CHFR: variants seen among roughly 807,000 people sequenced by gnomAD.
CHFR encodes the protein checkpoint with forkhead and ring finger domains.
Under a neutral mutation model 87.6 loss-of-function variants are expected in CHFR, and 57 were observed. The observed-to-expected ratio is 0.65, with a 90% CI of 0.53 to 0.81. The LOEUF is 0.81. CHFR is among the 30% of genes least tolerant of loss of function. The probability of loss-of-function intolerance (pLI) is 0.00; values close to 1 mark genes in which losing one functional copy is unlikely to be tolerated. For synonymous variants in CHFR, 381 were observed against 359.2 expected, an observed-to-expected ratio of 1.06 and a Z score of -0.69; for missense variants, 797 against 865.8, an observed-to-expected ratio of 0.92 and a Z score of 1.00.
intron 3 of CHFR, among the ~76,000 whole-genome samples, chr12:132,877,073 G>A (rs1951646138): frequency 6.6e-6 from 1 of 152,168 alleles, no homozygotes. Context: ...GGGATTACAG[G>A]TGTGAGCCAC....
At chr12:132,878,420 G>A (rs1221764536) in intron 2 of CHFR, among the ~76,000 whole-genome samples, 2 of 151,022 alleles carry the variant, frequency 1.3e-5, no homozygotes, top group Admixed American at 1.3e-4. Flanking sequence ...AGTGAGCTGA[G>A]ATCGCGCCAC....
At chr12:132,859,687 G>A (rs1363940014) in intron 7 of CHFR, among the ~76,000 whole-genome samples, 1 of 152,096 alleles carries the variant, frequency 6.6e-6, no homozygotes, top group Non-Finnish European at 1.5e-5. Context: ...ATGCTCAGAT[G>A]TTGGTAATCA....
Position 132,856,463 on chromosome 12 carries a change from T to C in CHFR, c.1229+5A>G. 1 of 1,613,794 alleles carries C rather than the reference T, an allele frequency of 6.2e-7. No individual in the cohort carries two copies. Among genetic ancestry groups the C allele is most frequent in the Non-Finnish European group, 8.5e-7 (1 of 1,179,986 alleles). On this transcript the variant is annotated splice_donor_5th_base_variant and intron_variant, in intron 10 of 17. Coordinates refer to ENST00000450056, the MANE Select transcript of CHFR (RefSeq NM_001161346.2). ...ACTCTGCTCTGAGCCAGGGGCATGA[T>C]TTACCTAATGTCTGAGGACTCACTG... is the stretch of plus-strand genomic sequence containing the variant.
chr12:132,847,523 G>C (rs530785070), intron 14 of CHFR: 2 of 1,082,824 alleles, frequency 1.8e-6, no homozygotes, highest in African/African-American at 3.3e-5. Flanking sequence ...ACGAGCTGTT[G>C]AGCTCCTTCT....
At chr12:132,880,692 C>T (rs557562025) in intron 2 of CHFR, among the ~76,000 whole-genome samples, 207 of 148,244 alleles carry the variant, frequency 1.4e-3, no homozygotes, top group African/African-American at 4.8e-3. Flanking sequence ...CTGGGCCAGG[C>T]GTGGTGGCTC....
intron 3 of CHFR, among the ~76,000 whole-genome samples, chr12:132,872,734 A>AGCTGGACT (rs1180148147): frequency 6.6e-6 from 1 of 152,130 alleles, no homozygotes; most frequent in Non-Finnish European, 1.5e-5. Context: ...GCCTCCCCTG[A>AGCTGGACT]GCTGGACTTG....
intron 15 of CHFR, among the ~76,000 whole-genome samples, chr12:132,844,651 G>A (rs1950779110): frequency 6.6e-6 from 1 of 151,086 alleles, no homozygotes; most frequent in South Asian, 2.1e-4. Context: ...TATTTTTTGA[G>A]ACCAAGTCTT....
At chr12:132,870,007 G>A (rs1566196380) in intron 5 of CHFR, among the ~76,000 whole-genome samples, 1 of 152,026 alleles carries the variant, frequency 6.6e-6, no homozygotes. Context: ...TCAGGAGTTC[G>A]AGACCAGCCT....
intron 2 of CHFR, among the ~76,000 whole-genome samples, chr12:132,879,403 T>G (rs1456826757): frequency 6.6e-6 from 1 of 151,290 alleles, no homozygotes; most frequent in Non-Finnish European, 1.5e-5. Flanking sequence ...TTCTTTTTTT[T>G]TTTTTGAGAC....
At chr12:132,842,108 CAAAAA>C (rs35177584) in intron 17 of CHFR, among the ~76,000 whole-genome samples, 6 of 103,356 alleles carry the variant, frequency 5.8e-5, no homozygotes, top group Non-Finnish European at 1.2e-4. Context: ...GACTCCATCT[CAAAAA>C]AAAAAAAAAA....
At chr12:132,861,693 C>A (rs1951213661) in intron 6 of CHFR, 59 bp from the exon 7 acceptor site, 2 of 1,514,438 alleles carry the variant, frequency 1.3e-6, no homozygotes, top group Admixed American at 1.8e-5. Context: ...GAGAACCATG[C>A]CTGTAAGGTG....
At position 132,841,534 on chromosome 12, in the gene CHFR, T is replaced by C. The variant is rs375664747; in HGVS notation, c.*20A>G. 47 of 1,605,332 alleles carry C rather than the reference T, an allele frequency of 2.9e-5. 1 individual carries two copies. The African/African-American group carries it at 6.0e-4, about 21-fold the overall frequency. On this transcript the variant is annotated 3_prime_UTR_variant, in exon 18 of 18. Transcript: ENST00000450056. ...TCTCTTCACCTCCAGTGCTGAAAGC[T>C]GCTCAGGGCCTCTGGATGCTTAGTT...
At chr12:132,861,705 C>A in intron 6 of CHFR, 71 bp from the exon 7 acceptor site, 1 of 1,452,360 alleles carries the variant, frequency 6.9e-7, no homozygotes, top group Non-Finnish European at 9.5e-7. Flanking sequence ...TGTAAGGTGT[C>A]ACTGACTGGA....
chr12:132,868,456 C>T (rs1377240284), intron 6 of CHFR, among the ~76,000 whole-genome samples: 1 of 151,910 alleles, frequency 6.6e-6, no homozygotes, highest in Non-Finnish European at 1.5e-5. Flanking sequence ...GAGCCGAGAT[C>T]GCGCCACCGC....
At chr12:132,843,123 G>A (rs753830316) in intron 16 of CHFR, 40 bp from the exon 17 acceptor site, 2 of 1,564,380 alleles carry the variant, frequency 1.3e-6, no homozygotes, top group East Asian at 4.5e-5. Context: ...GAGATGTATT[G>A]CACGCACCCA....
intron 14 of CHFR, 64 bp from the exon 15 acceptor site, chr12:132,847,194 G>T: frequency 1.3e-6 from 2 of 1,599,878 alleles, no homozygotes; most frequent in South Asian, 2.2e-5. Context: ...CTGAAATAAC[G>T]AGAGAAAACA....
chr12:132,886,590 G>A (rs910556994), intron 2 of CHFR, among the ~76,000 whole-genome samples: 3 of 152,172 alleles, frequency 2.0e-5, no homozygotes, highest in African/African-American at 7.2e-5. Context: ...TGGAGGCTGA[G>A]GGAACTTTCT....
At chr12:132,843,303 G>A (rs569389463) in intron 16 of CHFR, among the ~76,000 whole-genome samples, 1 of 152,260 alleles carries the variant, frequency 6.6e-6, no homozygotes, top group South Asian at 2.1e-4. Flanking sequence ...GTTCATGCCT[G>A]TAATCCCAGC....
chr12:132,845,569 G>A lies in CHFR; in HGVS notation c.1736-1435C>T, dbSNP rs956131423. Among the ~76,000 whole-genome samples the A allele has an allele frequency of 5.3e-5, 8 of 152,166 alleles. No individual in the cohort carries two copies. In the East Asian group the frequency reaches 1.3e-3, roughly 26 times the overall value. Reference sequence around the variant, plus strand: ...GGAGGCTGAGGTGAGATGATCTCTTGAGCCCAGGAGGTCGAGGCTGCAGTG... The same window carrying A: ...GGAGGCTGAGGTGAGATGATCTCTTAAGCCCAGGAGGTCGAGGCTGCAGTG... On this transcript the variant is annotated intron_variant, in intron 15 of 17. Coordinates refer to ENST00000450056, the MANE Select transcript of CHFR (RefSeq NM_001161346.2).
Sources: gnomAD v4.1 joint callset for allele counts (sites outside exome capture counted in the v4.1 genomes callset) on GRCh38, gnomAD v4.1.1 for gene constraint, MANE v1.5 for transcripts, NCBI Gene and HGNC (gene_info 2026-07-23, HGNC 2026-07-21) for gene names.